ESR1: variants seen among roughly 807,000 people sequenced by gnomAD.
ESR1 encodes estrogen receptor.
In ESR1, 12 loss-of-function variants were observed where a neutral mutation model predicts 52.7. The observed-to-expected ratio is 0.23, with a 90% CI of 0.15 to 0.37. ESR1 has a LOEUF of 0.37. Among genes scored for constraint, ESR1 ranks in the 10% least tolerant of loss-of-function variants. ESR1 has a pLI of 1.00. For missense variants in ESR1, 584 were observed against 779.7 expected, an observed-to-expected ratio of 0.75 and a Z score of 2.99; for synonymous variants, 305 against 316.8, an observed-to-expected ratio of 0.96 and a Z score of 0.39.
At chr6:151,831,146 C>CTTTTT (rs11296052) in intron 1 of ESR1, among the ~76,000 whole-genome samples, 2 of 141,788 alleles carry the variant, frequency 1.4e-5, no homozygotes. Flanking sequence ...CTTTTCTTTT[C>CTTTTT]TTTTTTTTTT....
At chr6:152,005,369 C>A (rs762988040) in intron 4 of ESR1, among the ~76,000 whole-genome samples, 1 of 151,786 alleles carries the variant, frequency 6.6e-6, no homozygotes, top group Non-Finnish European at 1.5e-5. Flanking sequence ...CCTTTTTATC[C>A]TTTTTATTAG....
chr6:151,772,875 A>G (rs1418952573), intron 2 of ESR1, among the ~76,000 whole-genome samples: 1 of 152,202 alleles, frequency 6.6e-6, no homozygotes, highest in Non-Finnish European at 1.5e-5. Flanking sequence ...CTCTCAGCTC[A>G]TAAAAAAGTC....
intron 1 of ESR1, among the ~76,000 whole-genome samples, chr6:151,837,421 G>T (rs1440245011): frequency 2.6e-5 from 4 of 151,994 alleles, no homozygotes; most frequent in African/African-American, 9.7e-5. Flanking sequence ...TAATTATGTT[G>T]AATATGTAAT....
In ESR1 at chr6:151,899,225, C is replaced by T. The variant is rs562026137; in HGVS notation, c.760+18454C>T. On this transcript the variant is annotated intron_variant, in intron 3 of 7. Transcript: ENST00000206249. ...CTGGGCAGAGGCGCCCCTCACCTCC[C>T]GGACTGGGCAGCTGGCCAGGCGGGG... Among the ~76,000 whole-genome samples the T allele has an allele frequency of 5.6e-5, 8 of 143,386 alleles. No homozygotes were observed. The South Asian group carries it at 6.7e-4, about 12-fold the overall frequency. 94.1% of individuals were successfully genotyped at this position (143,386 alleles called of 152,430 possible). A position where few individuals can be genotyped will look rare whatever the true frequency, so the allele number is the denominator to read the frequency against.
intron 1 of ESR1, among the ~76,000 whole-genome samples, chr6:151,809,712 G>A (rs1305882403): frequency 6.6e-6 from 1 of 152,156 alleles, no homozygotes; most frequent in African/African-American, 2.4e-5. Context: ...CAGCCGCCTT[G>A]GAGAAATTTA....
intron 6 of ESR1, chr6:152,122,452 C>A: frequency 6.2e-7 from 1 of 1,614,114 alleles, no homozygotes; most frequent in South Asian, 1.1e-5. Flanking sequence ...TGGAGGAGGG[C>A]CATTCGTGTA....
chr6:151,951,373 G>A (rs1040880642), intron 4 of ESR1, among the ~76,000 whole-genome samples: 3 of 152,066 alleles, frequency 2.0e-5, no homozygotes, highest in Admixed American at 1.3e-4. Context: ...TTTAAAGTAG[G>A]GGGAAAGATA....
intron 1 of ESR1, among the ~76,000 whole-genome samples, chr6:151,698,367 T>C (rs900896259): frequency 2.6e-5 from 4 of 151,154 alleles, no homozygotes; most frequent in Non-Finnish European, 5.9e-5. Context: ...AGCAAGATCT[T>C]GTCTTAAAAA....
intron 4 of ESR1, among the ~76,000 whole-genome samples, chr6:152,005,766 G>C (rs1327566821): frequency 6.6e-6 from 1 of 152,066 alleles, no homozygotes; most frequent in Admixed American, 6.6e-5. Flanking sequence ...AGGTCTTCTT[G>C]ACTTTTCAGC....
At position 152,100,066 on chromosome 6, in the gene ESR1, C is replaced by T. The variant is rs1189771745; in HGVS notation, c.*1100C>T. ...GCAGAAACTGGATACAGTTCTGAGG[C>T]ACAGCCAGACTTGCTCAGGGTGGCC... On this transcript the variant is annotated 3_prime_UTR_variant, in exon 8 of 8. Transcript: ENST00000206249. 1 of 398,804 alleles carries T rather than the reference C, an allele frequency of 2.5e-6. No homozygotes were observed. Among genetic ancestry groups the T allele is most frequent in the Non-Finnish European group, 4.4e-6 (1 of 226,298 alleles). The allele number at this position is 398,804 out of a possible 1,614,324, so 24.7% of individuals were successfully genotyped here. A position where few individuals can be genotyped will look rare whatever the true frequency, so the allele number is the denominator to read the frequency against.
At chr6:151,838,772 A>G (rs1372116821) in intron 1 of ESR1, among the ~76,000 whole-genome samples, 2 of 152,172 alleles carry the variant, frequency 1.3e-5, no homozygotes, top group African/African-American at 4.8e-5. Flanking sequence ...TGGTTAGTGA[A>G]TATAGCCCAT....
At chr6:151,911,119 C>G (rs1798191034) in intron 3 of ESR1, among the ~76,000 whole-genome samples, 1 of 152,214 alleles carries the variant, frequency 6.6e-6, no homozygotes, top group African/African-American at 2.4e-5. Context: ...CAGTTCCTAA[C>G]AGGCCATGAA....
chr6:152,001,917 G>T (rs1404720539), intron 4 of ESR1, among the ~76,000 whole-genome samples: 1 of 151,906 alleles, frequency 6.6e-6, no homozygotes, highest in East Asian at 1.9e-4. Context: ...GAGACCCTTG[G>T]ACCCCAAAGG....
intron 2 of ESR1, among the ~76,000 whole-genome samples, chr6:151,721,790 T>C (rs190518853): frequency 2.0e-4 from 30 of 152,350 alleles, no homozygotes; most frequent in Admixed American, 1.0e-3. Context: ...GACCATGGGC[T>C]TTTGGCATAG....
At chr6:151,974,353 A>AT (rs11408121) in intron 4 of ESR1, among the ~76,000 whole-genome samples, 91,039 of 151,914 alleles carry the variant, frequency 0.6, 29,221 homozygotes, top group Middle Eastern at 0.72. Context: ...TATTATCTTC[A>AT]TTTTTTGCTG....
intron 1 of ESR1, among the ~76,000 whole-genome samples, chr6:151,670,801 T>G (rs1042038248): frequency 7.9e-6 from 1 of 126,512 alleles, no homozygotes; most frequent in African/African-American, 3.0e-5. Flanking sequence ...GGAGTTTCAC[T>G]CTTGTCGCCC....
intron 4 of ESR1, among the ~76,000 whole-genome samples, chr6:152,009,014 G>A (rs1328737028): frequency 3.3e-5 from 5 of 152,006 alleles, no homozygotes; most frequent in Non-Finnish European, 7.4e-5. Context: ...TGCTGCATCC[G>A]GAGATGTTTC....
intron 2 of ESR1, among the ~76,000 whole-genome samples, chr6:151,756,706 T>C (rs1265679552): frequency 6.6e-6 from 1 of 152,046 alleles, no homozygotes; most frequent in Non-Finnish European, 1.5e-5. Context: ...ATAAATTAAA[T>C]GGGCCGGGCG....
At chr6:151,778,880 C>T (rs1348139060) in intron 2 of ESR1, among the ~76,000 whole-genome samples, 2 of 152,058 alleles carry the variant, frequency 1.3e-5, no homozygotes, top group Admixed American at 1.3e-4. Context: ...TGGGTAAGCA[C>T]CTTTGGTCTT....
Sources: gnomAD v4.1 joint callset for allele counts (sites outside exome capture counted in the v4.1 genomes callset) on GRCh38, gnomAD v4.1.1 for gene constraint, MANE v1.5 for transcripts, NCBI Gene and HGNC (gene_info 2026-07-23, HGNC 2026-07-21) for gene names.